ABCB1: variants seen among roughly 807,000 people sequenced by gnomAD.
The protein encoded by ABCB1 is ATP-dependent translocase ABCB1.
Under a neutral mutation model 142.0 loss-of-function variants are expected in ABCB1, and 69 were observed. That is an observed-to-expected ratio of 0.49 (90% CI 0.40 to 0.59). The LOEUF (loss-of-function observed/expected upper bound fraction) is 0.59. Ranked by LOEUF, ABCB1 falls within the 20% of genes least tolerant of loss-of-function variation. The pLI, the probability that ABCB1 is intolerant of heterozygous loss-of-function variation, is 0.00. For missense variants in ABCB1, 1,326 were observed against 1,554.7 expected (o/e 0.85, Z 2.47); for synonymous variants, 532 against 539.2 (o/e 0.99, Z 0.18).
intron 4 of ABCB1, among the ~76,000 whole-genome samples, chr7:87,575,568 C>T (rs1818239366): frequency 6.6e-6 from 1 of 152,048 alleles, no homozygotes; most frequent in Non-Finnish European, 1.5e-5. Context: ...TTAAGAAGCT[C>T]TAATAAACCA....
chr7:87,654,310 C>G (rs1485487230), intron 1 of ABCB1, among the ~76,000 whole-genome samples: 1 of 151,932 alleles, frequency 6.6e-6, no homozygotes, highest in African/African-American at 2.4e-5. Flanking sequence ...CTGGAGGCAT[C>G]AAAATACTTG....
At chr7:87,621,100 T>C (rs1287751052) in intron 1 of ABCB1, among the ~76,000 whole-genome samples, 2 of 152,188 alleles carry the variant, frequency 1.3e-5, no homozygotes, top group Non-Finnish European at 2.9e-5. Context: ...ATAAATATCA[T>C]GCAATTCTAA....
At chr7:87,662,103 G>T (rs1408946791) in intron 1 of ABCB1, among the ~76,000 whole-genome samples, 1 of 151,806 alleles carries the variant, frequency 6.6e-6, no homozygotes, top group Non-Finnish European at 1.5e-5. Context: ...TTAATTATTA[G>T]TTTTTTCCTG....
At chr7:87,524,082 A>G (rs188653107) in intron 21 of ABCB1, among the ~76,000 whole-genome samples, 111 of 152,274 alleles carry the variant, frequency 7.3e-4, no homozygotes, top group African/African-American at 2.6e-3. Flanking sequence ...TACATAAATT[A>G]CCTAACTTCA....
At chr7:87,710,270 T>C (rs1228230896) in intron 1 of ABCB1, among the ~76,000 whole-genome samples, 1 of 152,182 alleles carries the variant, frequency 6.6e-6, no homozygotes, top group Non-Finnish European at 1.5e-5. Flanking sequence ...ATATCTTATA[T>C]AATTACATCA....
chr7:87,566,984 A>G lies in ABCB1; in HGVS notation c.339-8T>C, dbSNP rs1584886997. 6.2e-7 allele frequency: 1 copy of G among 1,613,258 alleles called. No homozygotes were observed. The highest frequency in any genetic ancestry group is 2.2e-5 in the East Asian group (1 of 44,880). ...CTGTAATAATAGGCATACCTGAAAA[A>G]CAACAAGAACACTGCACATGCTCTC... On this transcript the variant is annotated splice_region_variant and splice_polypyrimidine_tract_variant and intron_variant, in intron 5 of 27. Coordinates refer to ENST00000622132, the MANE Select transcript of ABCB1 (RefSeq NM_001348946.2).
intron 1 of ABCB1, among the ~76,000 whole-genome samples, chr7:87,674,925 C>T (rs1419138675): frequency 2.0e-5 from 3 of 152,142 alleles, no homozygotes; most frequent in Non-Finnish European, 2.9e-5. Context: ...GAGGGGCATC[C>T]TTGGATGTGC....
intron 19 of ABCB1, among the ~76,000 whole-genome samples, chr7:87,538,732 G>C (rs1816400339): frequency 6.6e-6 from 1 of 152,140 alleles, no homozygotes; most frequent in African/African-American, 2.4e-5. Context: ...TTAGGGTTTT[G>C]AAGCTGCAAA....
At chr7:87,566,385 T>C in intron 6 of ABCB1, 144 bp from the exon 7 acceptor site, 1 of 833,124 alleles carries the variant, frequency 1.2e-6, no homozygotes. Flanking sequence ...TAGAAGTTTC[T>C]ACTAGGATAT....
intron 1 of ABCB1, among the ~76,000 whole-genome samples, chr7:87,709,845 A>G (rs1223269166): frequency 6.6e-6 from 1 of 152,210 alleles, no homozygotes; most frequent in Admixed American, 6.5e-5. Context: ...TGAAGTTCTT[A>G]CTACAAATAT....
rs185038553 is a variant in ABCB1 at position 87,668,582 on chromosome 7, A to C, written c.-331+44579T>G. On this transcript the variant is annotated intron_variant, in intron 1 of 28. Coordinates refer to the ABCB1 transcript ENST00000265724. ...GTTGTGAAGGTAGGTTGTTAATTTG[A>C]GATCTCTCTAACTTTTTGATGTGGG... Among the ~76,000 whole-genome samples the C allele has an allele frequency of 2.5e-3, 380 of 151,960 alleles. 12 individuals are homozygous for C. Among genetic ancestry groups the C allele is most frequent in the Admixed American group, 0.022 (334 of 15,260 alleles).
intron 1 of ABCB1, chr7:87,651,088 C>CCT (rs1823525289): frequency 3.5e-6 from 2 of 574,992 alleles, no homozygotes; most frequent in African/African-American, 3.8e-5. Flanking sequence ...TACGAAAGAG[C>CCT]CTCTGTTCTC....
chr7:87,572,103 C>T (rs568612935), intron 4 of ABCB1, among the ~76,000 whole-genome samples: 2 of 152,264 alleles, frequency 1.3e-5, no homozygotes, highest in South Asian at 4.1e-4. Flanking sequence ...AAAAATGAAA[C>T]AGGACATTGA....
chr7:87,548,407 A>T (rs1277011407), intron 14 of ABCB1, among the ~76,000 whole-genome samples: 1 of 152,204 alleles, frequency 6.6e-6, no homozygotes, highest in African/African-American at 2.4e-5. Context: ...AAACACAGAG[A>T]TGAAATCACA....
chr7:87,695,225 G>A (rs1023665821), intron 1 of ABCB1, among the ~76,000 whole-genome samples: 6 of 152,092 alleles, frequency 3.9e-5, no homozygotes, highest in Non-Finnish European at 4.4e-5. Context: ...AAATGGATCA[G>A]TGTCATAATT....
intron 21 of ABCB1, among the ~76,000 whole-genome samples, chr7:87,523,551 G>A (rs550392209): frequency 3.6e-4 from 55 of 152,316 alleles, no homozygotes; most frequent in African/African-American, 1.3e-3. Context: ...GAACTGGCGA[G>A]ACAGAGATTG....
chr7:87,559,655 A>G (rs1051381232), intron 8 of ABCB1, among the ~76,000 whole-genome samples: 1 of 152,050 alleles, frequency 6.6e-6, no homozygotes, highest in Non-Finnish European at 1.5e-5. Flanking sequence ...TATTTCTTCT[A>G]CCAGATACTC....
intron 11 of ABCB1, 69 bp downstream of exon 11, chr7:87,550,399 C>A: frequency 6.2e-7 from 1 of 1,604,066 alleles, no homozygotes; most frequent in South Asian, 1.1e-5. Context: ...TTTTTATAAT[C>A]TCTACAAGAA....
intron 4 of ABCB1, among the ~76,000 whole-genome samples, chr7:87,578,034 A>G (rs1236908231): frequency 2.0e-5 from 3 of 152,168 alleles, no homozygotes; most frequent in Non-Finnish European, 4.4e-5. Context: ...GTCTTCTTTT[A>G]GTAGTTTCAT....
Sources: gnomAD v4.1 joint callset for allele counts (sites outside exome capture counted in the v4.1 genomes callset) on GRCh38, gnomAD v4.1.1 for gene constraint, MANE v1.5 for transcripts, NCBI Gene and HGNC (gene_info 2026-07-23, HGNC 2026-07-21) for gene names.